PPFIA2: variants seen among roughly 807,000 people sequenced by gnomAD.
The protein encoded by PPFIA2 is PPFI scaffold protein A2.
Under a neutral mutation model 175.5 loss-of-function variants are expected in PPFIA2, and 46 were observed. The ratio of observed to expected loss-of-function variants is 0.26; its 90% confidence interval spans 0.21 to 0.34. The LOEUF is 0.34. PPFIA2 is among the 10% of genes least tolerant of loss of function. The pLI is 1.00. For synonymous variants in PPFIA2, 568 were observed against 511.4 expected (o/e 1.11, Z -1.49); for missense variants, 1,179 against 1,506.1 (o/e 0.78, Z 3.60).
At chr12:81,642,627 A>G (rs1426376454) in intron 4 of PPFIA2, among the ~76,000 whole-genome samples, 1 of 142,740 alleles carries the variant, frequency 7.0e-6, no homozygotes, top group Non-Finnish European at 1.5e-5. Context: ...AATAGATACT[A>G]TATATCTATT....
At chr12:81,555,081 T>C (rs1274171649) in intron 4 of PPFIA2, among the ~76,000 whole-genome samples, 1 of 151,996 alleles carries the variant, frequency 6.6e-6, no homozygotes, top group Non-Finnish European at 1.5e-5. Flanking sequence ...CACAGTTTTG[T>C]GGTCACACGA....
intron 22 of PPFIA2, among the ~76,000 whole-genome samples, chr12:81,321,271 G>A (rs142560419): frequency 6.6e-6 from 1 of 152,174 alleles, no homozygotes; most frequent in Admixed American, 6.5e-5. Context: ...TAAGGAATTT[G>A]CCACTTGCCC....
At chr12:81,575,904 T>A (rs1223751007) in intron 4 of PPFIA2, among the ~76,000 whole-genome samples, 2 of 151,748 alleles carry the variant, frequency 1.3e-5, no homozygotes, top group South Asian at 2.1e-4. Context: ...TTCTCTTTTG[T>A]TTCTGCCATT....
intron 22 of PPFIA2, among the ~76,000 whole-genome samples, chr12:81,322,947 T>C (rs2053989233): frequency 6.6e-6 from 1 of 152,076 alleles, no homozygotes; most frequent in African/African-American, 2.4e-5. Context: ...GGAAAACAAA[T>C]CTTGTAAGTT....
chr12:81,614,003 C>G (rs1459369110), intron 4 of PPFIA2, among the ~76,000 whole-genome samples: 1 of 152,086 alleles, frequency 6.6e-6, no homozygotes, highest in Admixed American at 6.5e-5. Context: ...ACTGAATGAA[C>G]AAGCAAAACC....
intron 14 of PPFIA2, among the ~76,000 whole-genome samples, chr12:81,363,087 T>A (rs1390723626): frequency 1.3e-5 from 2 of 151,390 alleles, no homozygotes; most frequent in Non-Finnish European, 3.0e-5. Context: ...AGAGTAGAAA[T>A]CATATGCAGT....
intron 8 of PPFIA2, among the ~76,000 whole-genome samples, chr12:81,387,150 T>C (rs2039155463): frequency 6.6e-6 from 1 of 152,044 alleles, no homozygotes; most frequent in South Asian, 2.1e-4. Context: ...ACAAGCAAAC[T>C]TCAGCTCTTT....
At chr12:81,350,268 T>C (rs1327579447) in intron 17 of PPFIA2, among the ~76,000 whole-genome samples, 1 of 152,186 alleles carries the variant, frequency 6.6e-6, no homozygotes, top group East Asian at 1.9e-4. Flanking sequence ...TAATACTTGT[T>C]TTACATTATT....
intron 3 of PPFIA2, among the ~76,000 whole-genome samples, chr12:81,723,663 T>C (rs1030975209): frequency 7.9e-5 from 12 of 151,048 alleles, no homozygotes; most frequent in African/African-American, 2.9e-4. Context: ...TCTATACACA[T>C]TGAAAAGCTT....
intron 8 of PPFIA2, among the ~76,000 whole-genome samples, chr12:81,391,603 T>C (rs1220966034): frequency 6.6e-6 from 1 of 151,974 alleles, no homozygotes; most frequent in Admixed American, 6.6e-5. Flanking sequence ...TGGATAATTT[T>C]TGCTTGTTTG....
At chr12:81,370,262 A>G (rs945181184) in intron 11 of PPFIA2, among the ~76,000 whole-genome samples, 4 of 151,796 alleles carry the variant, frequency 2.6e-5, no homozygotes, top group Admixed American at 1.3e-4. Context: ...GTAGTCCCCA[A>G]TTCAAGCAAG....
At chr12:81,606,945 TG>T (rs1338472884) in intron 4 of PPFIA2, among the ~76,000 whole-genome samples, 1 of 152,036 alleles carries the variant, frequency 6.6e-6, no homozygotes, top group Non-Finnish European at 1.5e-5. Context: ...TATAGTTTGA[TG>T]TCTTACATTT....
At position 81,629,142 on chromosome 12, in the gene PPFIA2, T is replaced by C. The variant is rs112440338; in HGVS notation, c.303+47649A>G. ...AATGAGATCATACGAGCTTTGAAAA[T>C]GTTTATGTAACAAGGATTCAGGTTA... is the stretch of plus-strand genomic sequence containing the variant. On this transcript the variant is annotated intron_variant, in intron 4 of 32. Coordinates refer to ENST00000549396, the MANE Select transcript of PPFIA2 (RefSeq NM_003625.5). 2.6e-3 allele frequency among the ~76,000 whole-genome samples: 392 copies of C among 152,222 alleles called. 4 individuals carry two copies. The highest frequency in any genetic ancestry group is 8.6e-3 in the African/African-American group (358 of 41,544).
chr12:81,600,655 G>T (rs565145118), intron 4 of PPFIA2, among the ~76,000 whole-genome samples: 2 of 151,894 alleles, frequency 1.3e-5, no homozygotes, highest in African/African-American at 4.8e-5. Context: ...TGACTAAATA[G>T]ATTTACTAGC....
At chr12:81,502,584 G>T (rs1594106150) in intron 4 of PPFIA2, among the ~76,000 whole-genome samples, 1 of 152,244 alleles carries the variant, frequency 6.6e-6, no homozygotes, top group East Asian at 1.9e-4. Flanking sequence ...AGGCATATCT[G>T]CCTAATACTC....
intron 5 of PPFIA2, among the ~76,000 whole-genome samples, chr12:81,456,768 C>T (rs1445089208): frequency 3.3e-5 from 5 of 151,890 alleles, no homozygotes; most frequent in African/African-American, 1.2e-4. Context: ...GAAAATATAG[C>T]ATGTTTATCA....
At chr12:81,385,767 T>C (rs933192489) in intron 8 of PPFIA2, among the ~76,000 whole-genome samples, 1 of 152,132 alleles carries the variant, frequency 6.6e-6, no homozygotes, top group Non-Finnish European at 1.5e-5. Flanking sequence ...AATTCAATTA[T>C]ACAGTAAGAA....
intron 4 of PPFIA2, among the ~76,000 whole-genome samples, chr12:81,575,238 A>T (rs2073300541): frequency 6.6e-6 from 1 of 151,836 alleles, no homozygotes; most frequent in African/African-American, 2.4e-5. Flanking sequence ...AGATATATGT[A>T]TTTAAGATAT....
At chr12:81,635,918 T>C (rs1567659287) in intron 4 of PPFIA2, among the ~76,000 whole-genome samples, 1 of 147,030 alleles carries the variant, frequency 6.8e-6, no homozygotes, top group East Asian at 1.9e-4. Context: ...AATCTCTCTC[T>C]CTCACACACA....
Sources: allele counts gnomAD v4.1 joint callset (sites outside exome capture counted in the v4.1 genomes callset), GRCh38; gene constraint gnomAD v4.1.1; transcripts MANE v1.5; gene names NCBI Gene and HGNC (gene_info 2026-07-23, HGNC 2026-07-21).